The following BOLA1 variants were observed in gnomAD, a reference collection of about 807,000 sequenced individuals.
BOLA1 encodes bolA family member 1, also known as bolA-like protein 1.
In BOLA1, 6 loss-of-function variants were observed where a neutral mutation model predicts 6.6. The observed-to-expected ratio is 0.92, with a 90% CI of 0.50 to 1.81. The LOEUF (loss-of-function observed/expected upper bound fraction) is 1.81. Ranked by LOEUF, BOLA1 falls within the 40% of genes most tolerant of loss-of-function variation. BOLA1 has a pLI of 0.01. For synonymous variants in BOLA1, 87 were observed against 85.6 expected, an observed-to-expected ratio of 1.02 and a Z score of -0.09; for missense variants, 183 against 186.8, an observed-to-expected ratio of 0.98 and a Z score of 0.12.
chr1:149,899,705 A>C, intron 1 of BOLA1, 33 bp downstream of exon 1: 3 of 239,956 alleles, frequency 1.3e-5, no homozygotes, highest in Non-Finnish European at 8.1e-6. Flanking sequence ...TTCACAGGGA[A>C]CACAGGGGCT....
chr1:149,900,593 G>T lies in BOLA1; in HGVS notation c.*120G>T. On this transcript the variant is annotated 3_prime_UTR_variant, in exon 2 of 2. Transcript: ENST00000369152. ...GAAGACCCCTGGGCCCCATTCTGTTGGGGTCCATACATACTCTCCGAAGAT... is the reference window on the plus strand; with the variant it reads ...GAAGACCCCTGGGCCCCATTCTGTTTGGGTCCATACATACTCTCCGAAGAT... 8.7e-7 allele frequency: 1 copy of T among 1,146,232 alleles called. No individual in the cohort carries two copies. Among genetic ancestry groups the T allele is most frequent in the Non-Finnish European group, 1.2e-6 (1 of 818,686 alleles). 71.0% of individuals were successfully genotyped at this position (1,146,232 alleles called of 1,614,324 possible).
At position 149,900,718 on chromosome 1, in the gene BOLA1, A is replaced by C; in HGVS notation, c.*245A>C. On this transcript the variant is annotated 3_prime_UTR_variant, in exon 2 of 2. Transcript: ENST00000369152. ...TCAGGAAGGGCAGCCCGGATGTTCCATGTTAAATCGTGACAGAATTGCACC... is the reference window on the plus strand; with the variant it reads ...TCAGGAAGGGCAGCCCGGATGTTCCCTGTTAAATCGTGACAGAATTGCACC... 1 of 452,598 alleles carries C rather than the reference A, an allele frequency of 2.2e-6. No individual in the cohort carries two copies. The highest frequency in any genetic ancestry group is 5.4e-5 in the South Asian group (1 of 18,372). 28.0% of individuals were successfully genotyped at this position (452,598 alleles called of 1,614,324 possible).
intron 1 of BOLA1, 47 bp from the exon 2 acceptor site, chr1:149,899,963 C>A: frequency 1.4e-6 from 2 of 1,458,970 alleles, no homozygotes; most frequent in Non-Finnish European, 9.1e-7. Flanking sequence ...GGGGTTAGGG[C>A]GGATGCGGGG....
In BOLA1 at chr1:149,900,692, T is replaced by C; in HGVS notation, c.*219T>C. On this transcript the variant is annotated 3_prime_UTR_variant, in exon 2 of 2. Transcript: ENST00000369152. ...TCACTACTGCTCTTGCCCTGGACTA[T>C]TCAGGAAGGGCAGCCCGGATGTTCC... 1 of 498,010 alleles carries C rather than the reference T, an allele frequency of 2.0e-6. No homozygotes were observed. The highest frequency in any genetic ancestry group is 3.6e-6 in the Non-Finnish European group (1 of 280,322). The allele number at this position is 498,010 out of a possible 1,614,324, so 30.8% of individuals were successfully genotyped here. A position where few individuals can be genotyped will look rare whatever the true frequency, so the allele number is the denominator to read the frequency against.
chr1:149,899,942 C>A, intron 1 of BOLA1, 68 bp from the exon 2 acceptor site: 1 of 1,330,498 alleles, frequency 7.5e-7, no homozygotes, highest in South Asian at 1.5e-5. Context: ...CTGGTGTGGA[C>A]GTCCGGGCGT....
In BOLA1 at chr1:149,900,138, G is replaced by A. The variant is rs781876345; in HGVS notation, c.79G>A (p.Gly27Arg). The change falls in exon 2 of 2, where the codon GGG becomes AGG. Residue 27 changes from glycine to arginine, a missense_variant. Transcript: ENST00000369152. ...TTTGTGCCAGGGCAGCGCGGGATCC[G>A]GGGCCATCGGTCCGGTGGAGGCCGC... ...VCLCQGSAGS[G>R]AIGPVEAAIR... The A allele has an allele frequency of 6.2e-7, 1 of 1,613,046 alleles. No homozygotes were observed. Among genetic ancestry groups the A allele is most frequent in the Non-Finnish European group, 8.5e-7 (1 of 1,179,500 alleles).
In BOLA1 at chr1:149,900,604, A is replaced by G. The variant is rs1553761791; in HGVS notation, c.*131A>G. 2.0e-6 allele frequency: 2 copies of G among 979,004 alleles called. No individual in the cohort carries two copies. Among genetic ancestry groups the G allele is most frequent in the African/African-American group, 3.3e-5 (2 of 60,616 alleles). The allele number at this position is 979,004 out of a possible 1,614,324, so 60.6% of individuals were successfully genotyped here. A position where few individuals can be genotyped will look rare whatever the true frequency, so the allele number is the denominator to read the frequency against. On this transcript the variant is annotated 3_prime_UTR_variant, in exon 2 of 2. Transcript: ENST00000369152. ...GGCCCCATTCTGTTGGGGTCCATAC[A>G]TACTCTCCGAAGATAGCAACTTGCT...
At position 149,900,522 on chromosome 1, in the gene BOLA1, A is replaced by G. The variant is rs782605987; in HGVS notation, c.*49A>G. ...ATCCGAATGGGCTGGGTGAGCACGA[A>G]TTACCGAGGCCTTCCCTTTGATACA... On this transcript the variant is annotated 3_prime_UTR_variant, in exon 2 of 2. Transcript: ENST00000369152. The G allele has an allele frequency of 4.0e-6, 6 of 1,513,800 alleles. No individual in the cohort carries two copies. The African/African-American group carries it at 8.3e-5, about 21-fold the overall frequency. 93.8% of individuals were successfully genotyped at this position (1,513,800 alleles called of 1,614,324 possible).
In BOLA1 at chr1:149,900,091, T is replaced by A. The variant is rs782662624; in HGVS notation, c.32T>A (p.Val11Asp). 1 of 1,606,710 alleles carries A rather than the reference T, an allele frequency of 6.2e-7. No homozygotes were observed. Among genetic ancestry groups the A allele is most frequent in the African/African-American group, 1.3e-5 (1 of 74,926 alleles). ...AGTGGGCGGCTGGTCCTGGGTCTGG[T>A]CTCCATGGCTGGCCGCGTTTGTTTG... Reference protein sequence around the residue: MLSGRLVLGLVSMAGRVCLCQ... With the variant: MLSGRLVLGLDSMAGRVCLCQ... The change falls in exon 2 of 2, where the codon GTC (valine) becomes GAC (aspartate). Residue 11 changes from valine (V) to aspartate (D), a missense_variant. Physicochemically the swap from Val to Asp is radical, Grantham distance 152 (BLOSUM62 -3). Transcript: ENST00000369152.
rs2092388419 is a variant in BOLA1, at chr1:149,900,567, T to G, written c.*94T>G. On this transcript the variant is annotated 3_prime_UTR_variant, in exon 2 of 2. Coordinates refer to ENST00000369152, the MANE Select transcript of BOLA1 (RefSeq NM_016074.5). Reference sequence around the variant, plus strand: ...GATACAGTCCAGGATTTGTAAGGGATGAAGACCCCTGGGCCCCATTCTGTT... The same window carrying G: ...GATACAGTCCAGGATTTGTAAGGGAGGAAGACCCCTGGGCCCCATTCTGTT... 1.5e-6 allele frequency: 2 copies of G among 1,369,946 alleles called. No homozygotes were observed. Among genetic ancestry groups the G allele is most frequent in the Non-Finnish European group, 2.0e-6 (2 of 1,009,158 alleles). The allele number at this position is 1,369,946 out of a possible 1,614,324, so 84.9% of individuals were successfully genotyped here. A position where few individuals can be genotyped will look rare whatever the true frequency, so the allele number is the denominator to read the frequency against.
In BOLA1 at chr1:149,899,991, G is replaced by T; in HGVS notation, c.-50-19G>T. The T allele has an allele frequency of 6.6e-7, 1 of 1,506,742 alleles. No homozygotes were observed. The allele number at this position is 1,506,742 out of a possible 1,614,324, so 93.3% of individuals were successfully genotyped here. A position where few individuals can be genotyped will look rare whatever the true frequency, so the allele number is the denominator to read the frequency against. On this transcript the variant is annotated intron_variant, in intron 1 of 1. Transcript: ENST00000369152. Reference sequence around the variant, plus strand: ...ATGCGGGGATCGCGGGGCGGGTGTTGACATTGTGCTCTCACCAGGCGGATC... The same window carrying T: ...ATGCGGGGATCGCGGGGCGGGTGTTTACATTGTGCTCTCACCAGGCGGATC...
Position 149,900,384 on chromosome 1 carries a change from C to A in BOLA1, c.325C>A (p.Arg109=). The A allele has an allele frequency of 2.5e-6, 4 of 1,612,964 alleles. No individual in the cohort carries two copies. The highest frequency in any genetic ancestry group is 2.5e-6 in the Non-Finnish European group (3 of 1,179,586). ...GPVHALAIQA[R]TPAQWRENSQ... is the part of the protein sequence containing the mutation. Reference sequence around the variant, plus strand: ...GGTCCATGCGCTGGCCATCCAGGCACGGACCCCCGCCCAGTGGAGAGAGAA... The same window carrying A: ...GGTCCATGCGCTGGCCATCCAGGCAAGGACCCCCGCCCAGTGGAGAGAGAA... The change falls in exon 2 of 2, where the codon CGG becomes AGG. Residue 109 remains arginine, a synonymous_variant. Coordinates refer to ENST00000369152, the MANE Select transcript of BOLA1 (RefSeq NM_016074.5).
rs1553761735 is a variant in BOLA1 at position 149,900,354 on chromosome 1, G to A, written c.295G>A (p.Gly99Ser). The change falls in exon 2 of 2, where the codon GGT (glycine) becomes AGT (serine). Residue 99 changes from glycine to serine, a missense_variant. By Grantham distance (56) the Gly-to-Ser change is moderately conservative. Coordinates refer to ENST00000369152, the MANE Select transcript of BOLA1 (RefSeq NM_016074.5). ...VHAALAEELG[G>S]PVHALAIQAR... The stretch of plus-strand genomic sequence containing the variant: ...CGCAGCGCTGGCCGAGGAGCTGGGA[G>A]GTCCGGTCCATGCGCTGGCCATCCA... 6.2e-7 allele frequency: 1 copy of A among 1,613,250 alleles called. No individual in the cohort carries two copies. Among genetic ancestry groups the A allele is most frequent in the East Asian group, 2.2e-5 (1 of 44,886 alleles).
In BOLA1 at chr1:149,899,995, T is replaced by C. The variant is rs1323400276; in HGVS notation, c.-50-15T>C. 3 of 1,512,328 alleles carry C rather than the reference T, an allele frequency of 2.0e-6. No individual in the cohort carries two copies. Among genetic ancestry groups the C allele is most frequent in the South Asian group, 1.3e-5 (1 of 77,662 alleles). 93.7% of individuals were successfully genotyped at this position (1,512,328 alleles called of 1,614,324 possible). On this transcript the variant is annotated splice_polypyrimidine_tract_variant and intron_variant, in intron 1 of 1. Coordinates refer to ENST00000369152, the MANE Select transcript of BOLA1 (RefSeq NM_016074.5). ...GGGGATCGCGGGGCGGGTGTTGACA[T>C]TGTGCTCTCACCAGGCGGATCGCCC... is the stretch of plus-strand genomic sequence containing the variant.
chr1:149,900,427 G>GC lies in BOLA1; in HGVS notation c.374dup (p.Cys126MetfsTer43), dbSNP rs1387757958. ...AGAGAGAACTCTCAGCTGGACACTAGCCCCCCATGCCTGGGTGGGAACAAG... is the reference window on the plus strand; with the variant it reads ...AGAGAGAACTCTCAGCTGGACACTAGCCCCCCCATGCCTGGGTGGGAACAAG... On this transcript the variant is annotated frameshift_variant, in exon 2 of 2. Coordinates refer to ENST00000369152, the MANE Select transcript of BOLA1 (RefSeq NM_016074.5). LOFTEE classifies it high-confidence loss of function. 8.8e-6 allele frequency: 14 copies of GC among 1,594,614 alleles called. No individual in the cohort carries two copies. Among genetic ancestry groups the GC allele is most frequent in the South Asian group, 1.1e-5 (1 of 90,224 alleles).
chr1:149,900,785 T>C lies in BOLA1; in HGVS notation c.*312T>C, dbSNP rs2092389878. Reference sequence around the variant, plus strand: ...AAACAATCCTATACATTAAAAGAAATTACACTATGAGGCTGTGTTCTTAAT... The same window carrying C: ...AAACAATCCTATACATTAAAAGAAACTACACTATGAGGCTGTGTTCTTAAT... On this transcript the variant is annotated 3_prime_UTR_variant, in exon 2 of 2. Coordinates refer to ENST00000369152, the MANE Select transcript of BOLA1 (RefSeq NM_016074.5). 1 of 281,758 alleles carries C rather than the reference T, an allele frequency of 3.5e-6. No homozygotes were observed. Among genetic ancestry groups the C allele is most frequent in the Admixed American group, 4.9e-5 (1 of 20,324 alleles). The allele number at this position is 281,758 out of a possible 1,614,324, so 17.5% of individuals were successfully genotyped here.
At chr1:149,899,773 A>G (rs2092380003) in intron 1 of BOLA1, 101 bp downstream of exon 1, 1 of 425,848 alleles carries the variant, frequency 2.3e-6, no homozygotes, top group Non-Finnish European at 4.2e-6. Flanking sequence ...TTCTTTGCAA[A>G]TCCCCTAAGG....
rs370847214 is a variant in BOLA1 at position 149,900,294 on chromosome 1, G to T, written c.235G>T (p.Gly79Ter). ...GGCTGTGGTGAGCTCTCGTTTCGAG[G>T]GACTGAGCCCCCTACAACGACACCG... ...RVAVVSSRFE[G>*]LSPLQRHRLV... Residue 79 changes from glycine (G) to a stop codon, truncating the protein, a stop_gained, in exon 2 of 2, where the codon GGA (glycine) becomes TGA (stop). Transcript: ENST00000369152. LOFTEE classifies it high-confidence loss of function. 1.1e-5 allele frequency: 17 copies of T among 1,613,674 alleles called. No individual in the cohort carries two copies. The highest frequency in any genetic ancestry group is 1.4e-5 in the Non-Finnish European group (17 of 1,179,860).
chr1:149,900,032 C>A lies in BOLA1; in HGVS notation c.-28C>A. On this transcript the variant is annotated 5_prime_UTR_variant, in exon 2 of 2. Coordinates refer to ENST00000369152, the MANE Select transcript of BOLA1 (RefSeq NM_016074.5). ...CAGGCGGATCGCCCCGACCCTCACT[C>A]CTGGCGTCTGAGTCTCTGGCGTAGC... 1.9e-6 allele frequency: 3 copies of A among 1,552,050 alleles called. No homozygotes were observed. Among genetic ancestry groups the A allele is most frequent in the South Asian group, 2.4e-5 (2 of 83,136 alleles).
Sources: allele counts gnomAD v4.1 joint callset, GRCh38; gene constraint gnomAD v4.1.1; transcripts MANE v1.5; gene names NCBI Gene and HGNC (gene_info 2026-07-23, HGNC 2026-07-21).